Variants in AASS observed in about 807,000 individuals in gnomAD.
AASS encodes the protein alpha-aminoadipic semialdehyde synthase, mitochondrial.
In AASS, 86 loss-of-function variants were observed where a neutral mutation model predicts 105.4. The observed-to-expected ratio is 0.82, with a 90% CI of 0.69 to 0.98. The LOEUF (loss-of-function observed/expected upper bound fraction) is 0.98. AASS is among the 50% of genes least tolerant of loss of function. AASS has a pLI of 0.00. For missense variants in AASS, 1,048 were observed against 1,143.2 expected (o/e 0.92, Z 1.20); for synonymous variants, 381 against 394.8 (o/e 0.96, Z 0.41).
intron 11 of AASS, 89 bp from the exon 12 acceptor site, chr7:122,101,769 G>T: frequency 1.0e-6 from 1 of 995,012 alleles, no homozygotes; most frequent in East Asian, 2.6e-5. Context: ...ATTAATCAAG[G>T]GAAAAAAATA....
Position 122,113,504 on chromosome 7 carries a change from T to C in AASS, c.1166+94A>G, listed in dbSNP as rs1393919192. 3.3e-6 allele frequency: 5 copies of C among 1,520,206 alleles called. No homozygotes were observed. The South Asian group carries it at 4.6e-5, about 14-fold the overall frequency. 94.2% of individuals were successfully genotyped at this position (1,520,206 alleles called of 1,614,324 possible). ...TTGAGTATATCTCTCCAAATTTTCATAACTTCATAAAGATGTAAAATACTG... is the reference window on the plus strand; with the variant it reads ...TTGAGTATATCTCTCCAAATTTTCACAACTTCATAAAGATGTAAAATACTG... On this transcript the variant is annotated intron_variant, in intron 10 of 23. Coordinates refer to ENST00000417368, the MANE Select transcript of AASS (RefSeq NM_005763.4).
At chr7:122,095,691 G>A (rs1219288207) in intron 15 of AASS, among the ~76,000 whole-genome samples, 2 of 151,488 alleles carry the variant, frequency 1.3e-5, no homozygotes, top group African/African-American at 4.8e-5. Context: ...AATTGTGTAT[G>A]TCTTTTATCA....
chr7:122,102,728 C>T (rs1399484068), intron 11 of AASS, among the ~76,000 whole-genome samples: 1 of 152,112 alleles, frequency 6.6e-6, no homozygotes, highest in African/African-American at 2.4e-5. Flanking sequence ...TTTCTCCTAA[C>T]CTTTACCCTT....
chr7:122,108,195 A>G (rs564954839), intron 11 of AASS, among the ~76,000 whole-genome samples: 2 of 152,214 alleles, frequency 1.3e-5, no homozygotes, highest in African/African-American at 4.8e-5. Context: ...TCTCCCATCA[A>G]AGACTAGCCC....
chr7:122,125,010 C>T (rs371239039), intron 4 of AASS, among the ~76,000 whole-genome samples: 5 of 152,032 alleles, frequency 3.3e-5, no homozygotes, highest in South Asian at 2.1e-4. Flanking sequence ...GCAAACTCTG[C>T]CTCCTGGGTT....
At chr7:122,123,828 A>C (rs1795538142) in intron 4 of AASS, among the ~76,000 whole-genome samples, 1 of 152,194 alleles carries the variant, frequency 6.6e-6, no homozygotes, top group Non-Finnish European at 1.5e-5. Context: ...TCTCCATTAT[A>C]GCAACTTAGT....
At chr7:122,116,000 A>G (rs1370869896) in intron 8 of AASS, among the ~76,000 whole-genome samples, 1 of 152,188 alleles carries the variant, frequency 6.6e-6, no homozygotes, top group Non-Finnish European at 1.5e-5. Context: ...TTTTCACAAT[A>G]AATGCATGCA....
chr7:122,129,457 C>T lies in AASS; in HGVS notation c.291G>A (p.Glu97=). The stretch of plus-strand genomic sequence containing the variant: ...AAGTCTTCCTGGACATTAATTTTTC[C>T]TCTGGAGGTCTTTTAACTCCTAAAA... The part of the protein sequence containing the change: ...CLILGVKRPP[E]EKLMSRKTYA... The change falls in exon 3 of 24, where the codon GAG becomes GAA. Residue 97 remains glutamate (E), a synonymous_variant. Coordinates refer to ENST00000417368, the MANE Select transcript of AASS (RefSeq NM_005763.4). The T allele has an allele frequency of 4.3e-6, 7 of 1,613,344 alleles. No homozygotes were observed. In the South Asian group the frequency reaches 6.6e-5, roughly 15 times the overall value.
At chr7:122,129,166 G>A (rs1041344470) in intron 3 of AASS, among the ~76,000 whole-genome samples, 195 bp downstream of exon 3, 2 of 152,074 alleles carry the variant, frequency 1.3e-5, no homozygotes, top group African/African-American at 4.8e-5. Context: ...GATAGTATAT[G>A]GCCAATTGAC....
intron 13 of AASS, among the ~76,000 whole-genome samples, chr7:122,099,900 A>G (rs1471650177): frequency 6.6e-6 from 1 of 151,880 alleles, no homozygotes; most frequent in Non-Finnish European, 1.5e-5. Context: ...GAGAACCACT[A>G]TTATTCGGTT....
intron 1 of AASS, among the ~76,000 whole-genome samples, chr7:122,141,818 T>C (rs1796415302): frequency 6.6e-6 from 1 of 152,152 alleles, no homozygotes; most frequent in Non-Finnish European, 1.5e-5. Context: ...TCAGTTTCCT[T>C]ACCCAGACAA....
intron 19 of AASS, among the ~76,000 whole-genome samples, chr7:122,084,880 A>G (rs1793549565): frequency 6.6e-6 from 1 of 152,148 alleles, no homozygotes; most frequent in Middle Eastern, 3.4e-3. Context: ...CAAGACAGAC[A>G]GATTTGCAGT....
chr7:122,139,341 A>G (rs879904070), intron 1 of AASS, among the ~76,000 whole-genome samples: 5 of 152,194 alleles, frequency 3.3e-5, no homozygotes, highest in Non-Finnish European at 4.4e-5. Context: ...CATGTTCAGG[A>G]TTAGTTTTAT....
At chr7:122,124,337 C>A in intron 4 of AASS, among the ~76,000 whole-genome samples, 1 of 152,150 alleles carries the variant, frequency 6.6e-6, no homozygotes, top group Admixed American at 6.6e-5. Context: ...GGCTGGAGTG[C>A]AATGGCATGA....
In AASS at chr7:122,101,416, G is replaced by C; in HGVS notation, c.1361C>G (p.Thr454Arg). ...GATATATTTATATTTATCAGGTAAT[G>C]TACCGTTGGATGTAATCACTGCCTA... is the stretch of plus-strand genomic sequence containing the variant. Reference protein sequence around the residue: ...VRDAVITSNGTLPDKYKYIQT... With the variant: ...VRDAVITSNGRLPDKYKYIQT... The change falls in exon 13 of 24, where the codon ACA becomes AGA. Residue 454 changes from threonine (T) to arginine (R), a missense_variant. Coordinates refer to ENST00000417368, the MANE Select transcript of AASS (RefSeq NM_005763.4). 6.2e-7 allele frequency: 1 copy of C among 1,610,470 alleles called. No homozygotes were observed.
At chr7:122,125,305 A>G (rs1398183964) in intron 4 of AASS, among the ~76,000 whole-genome samples, 3 of 152,204 alleles carry the variant, frequency 2.0e-5, no homozygotes, top group Non-Finnish European at 2.9e-5. Flanking sequence ...TGCAAGTATA[A>G]TATTAATAAT....
chr7:122,082,701 C>A (rs537992021), intron 19 of AASS: 6 of 676,614 alleles, frequency 8.9e-6, no homozygotes, highest in Non-Finnish European at 1.1e-5. Flanking sequence ...TCACCACTGA[C>A]GACTAAACTG....
chr7:122,087,417 AT>A (rs1295498008), intron 18 of AASS, among the ~76,000 whole-genome samples: 1 of 152,226 alleles, frequency 6.6e-6, no homozygotes, highest in African/African-American at 2.4e-5. Context: ...GAAAATCTGA[AT>A]GAAGGATGTG....
intron 2 of AASS, among the ~76,000 whole-genome samples, chr7:122,131,528 A>C (rs6967194): frequency 6.6e-6 from 1 of 151,892 alleles, no homozygotes; most frequent in African/African-American, 2.4e-5. Context: ...AAAGGTAAAA[A>C]GTTGTGCAAT....
Sources: gnomAD v4.1 joint callset for allele counts (sites outside exome capture counted in the v4.1 genomes callset) on GRCh38, gnomAD v4.1.1 for gene constraint, MANE v1.5 for transcripts, NCBI Gene and HGNC (gene_info 2026-07-23, HGNC 2026-07-21) for gene names.